Variants in CLCN1 observed in about 807,000 individuals in gnomAD.
The protein encoded by CLCN1 is chloride channel protein 1.
In CLCN1, 100 loss-of-function variants were observed where a neutral mutation model predicts 114.5. The observed-to-expected ratio is 0.87, with a 90% CI of 0.74 to 1.03. The LOEUF (loss-of-function observed/expected upper bound fraction) is 1.03. CLCN1 is among the 50% of genes least tolerant of loss of function. CLCN1 has a pLI of 0.00. For missense variants in CLCN1, 1,188 were observed against 1,250.0 expected (o/e 0.95, Z 0.75); for synonymous variants, 485 against 487.1 (o/e 1.00, Z 0.06).
At position 143,346,257 on chromosome 7, in the gene CLCN1, G is replaced by A. The variant is rs751572848; in HGVS notation, c.2284+6G>A. On this transcript the variant is annotated splice_donor_region_variant and intron_variant, in intron 18 of 22. Transcript: ENST00000343257. Reference sequence around the variant, plus strand: ...GGAAGCACCAGAGCCTGCAGGTGACGCTCTTCCCTCATGCACCCCAACTCA... The same window carrying A: ...GGAAGCACCAGAGCCTGCAGGTGACACTCTTCCCTCATGCACCCCAACTCA... The A allele has an allele frequency of 6.3e-6, 10 of 1,588,438 alleles. No individual in the cohort carries two copies. Among genetic ancestry groups the A allele is most frequent in the South Asian group, 1.1e-5 (1 of 90,546 alleles).
At position 143,350,241 on chromosome 7, in the gene CLCN1, G is replaced by C; in HGVS notation, c.2404-131G>C. 1 of 733,838 alleles carries C rather than the reference G, an allele frequency of 1.4e-6. No homozygotes were observed. The highest frequency in any genetic ancestry group is 1.5e-5 in the South Asian group (1 of 66,872). The allele number at this position is 733,838 out of a possible 1,614,324, so 45.5% of individuals were successfully genotyped here. ...AAGGAGGAGGTCCTCTGATCTGGGG[G>C]ATCTATGATCAGTTCTTGCATGTTC... On this transcript the variant is annotated intron_variant, in intron 20 of 22. Transcript: ENST00000343257. This position sits in a 1 kb window ranked among gnomAD's most constrained non-coding sequence, Gnocchi z 5.1.
rs774843953 is a variant in CLCN1 at position 143,332,755 on chromosome 7, T to C, written c.1283T>C (p.Phe428Ser). The change falls in exon 12 of 23, where the codon TTT (phenylalanine) becomes TCT (serine). Residue 428 changes from phenylalanine to serine, a missense_variant. By Grantham distance (155) the Phe-to-Ser change is radical. Coordinates refer to ENST00000343257, the MANE Select transcript of CLCN1 (RefSeq NM_000083.3). ...CCCCGCGAAGCCATCAGTACTTTGT[T>C]TGACAACAATACATGGGTGAAACAC... is the stretch of plus-strand genomic sequence containing the variant. ...LMPREAISTL[F>S]DNNTWVKHAG... is the part of the protein sequence containing the mutation. 1 of 1,614,238 alleles carries C rather than the reference T, an allele frequency of 6.2e-7. No homozygotes were observed. Among genetic ancestry groups the C allele is most frequent in the Non-Finnish European group, 8.5e-7 (1 of 1,180,050 alleles).
rs375341574 is a variant in CLCN1 at position 143,350,565 on chromosome 7, C to T, written c.2509-3C>T. The T allele has an allele frequency of 3.7e-4, 594 of 1,613,964 alleles. No homozygotes were observed. The African/African-American group carries it at 7.3e-3, about 20-fold the overall frequency. On this transcript the variant is annotated splice_polypyrimidine_tract_variant and splice_region_variant and intron_variant, in intron 21 of 22. Transcript: ENST00000343257. This position sits in a 1 kb window ranked among gnomAD's most constrained non-coding sequence, Gnocchi z 5.1. ...TGCACTGACCTGTGCTCTTCATCCT[C>T]AGACTCATACCCTGTTTTCACTCCT...
intron 12 of CLCN1, among the ~76,000 whole-genome samples, chr7:143,338,886 G>T (rs919098267): frequency 6.6e-6 from 1 of 151,900 alleles, no homozygotes; most frequent in African/African-American, 2.4e-5. Context: ...AGGCTACTTT[G>T]CTGAGGCAAA....
intron 16 of CLCN1, among the ~76,000 whole-genome samples, chr7:143,343,098 T>G (rs1803132226): frequency 6.6e-6 from 1 of 152,228 alleles, no homozygotes; most frequent in Non-Finnish European, 1.5e-5. Flanking sequence ...CCAATCAATA[T>G]ATGACCTTGT....
chr7:143,329,594 T>A (rs1241893712), intron 7 of CLCN1, among the ~76,000 whole-genome samples: 1 of 152,138 alleles, frequency 6.6e-6, no homozygotes, highest in Non-Finnish European at 1.5e-5. Flanking sequence ...GATGTGGCCT[T>A]TGAATATAGC....
intron 12 of CLCN1, among the ~76,000 whole-genome samples, chr7:143,336,482 C>T (rs867878771): frequency 1.6e-4 from 25 of 151,754 alleles, no homozygotes; most frequent in East Asian, 3.9e-4. Flanking sequence ...TGGTGGCAGG[C>T]GCCTGTAATC....
In CLCN1 at chr7:143,320,553, T is replaced by TTC. The variant is rs59572880; in HGVS notation, c.302-79_302-78dup. On this transcript the variant is annotated intron_variant, in intron 2 of 22. Transcript: ENST00000343257. ...TAAAGTAGTGACTCGTTAGCTGCTT[T>TTC]TCTCTCTCTCTCTCTCTCTCTCTCT... 0.039 allele frequency: 26,385 copies of TTC among 672,420 alleles called. 459 individuals are homozygous for TTC. The highest frequency in any genetic ancestry group is 0.12 in the African/African-American group (5,968 of 51,178). 41.7% of individuals were successfully genotyped at this position (672,420 alleles called of 1,614,324 possible).
In CLCN1 at chr7:143,332,485, T is replaced by C. The variant is rs1325508283; in HGVS notation, c.1233T>C (p.Gly411=). The change falls in exon 11 of 23, where the codon GGT becomes GGC. Residue 411 remains glycine, a synonymous_variant. Coordinates refer to ENST00000343257, the MANE Select transcript of CLCN1 (RefSeq NM_000083.3). ...IASFTFPPGM[G]QFMAGELMPR... is the part of the protein sequence containing the mutation. Reference sequence around the variant, plus strand: ...CATTCACCTTCCCACCAGGAATGGGTCAATTCATGGCTGGAGAGGTCAGCT... The same window carrying C: ...CATTCACCTTCCCACCAGGAATGGGCCAATTCATGGCTGGAGAGGTCAGCT... The C allele has an allele frequency of 2.5e-6, 4 of 1,613,800 alleles. No homozygotes were observed. Among genetic ancestry groups the C allele is most frequent in the Non-Finnish European group, 3.4e-6 (4 of 1,179,710 alleles).
intron 12 of CLCN1, among the ~76,000 whole-genome samples, chr7:143,338,053 C>T (rs1438755234): frequency 6.6e-6 from 1 of 151,834 alleles, no homozygotes; most frequent in Non-Finnish European, 1.5e-5. Context: ...ACCATGTTAG[C>T]CAGAATGGTC....
In CLCN1 at chr7:143,320,781, C is replaced by A. The variant is rs1435631505; in HGVS notation, c.419C>A (p.Ala140Asp). Residue 140 changes from alanine (A) to aspartate (D), a missense_variant, in exon 3 of 23, where the codon GCC (alanine) becomes GAC (aspartate). Ala to Asp is a moderately radical substitution (Grantham distance 126). Transcript: ENST00000343257. ...LVSWSMDYVS[A>D]KSLQAYKWSY... ...AGCTGGAGCATGGACTACGTCAGTG[C>A]CAAAAGCCTTCAGGGTAGGTTTAAC... The A allele has an allele frequency of 6.2e-7, 1 of 1,613,946 alleles. No homozygotes were observed. Among genetic ancestry groups the A allele is most frequent in the Non-Finnish European group, 8.5e-7 (1 of 1,179,940 alleles).
chr7:143,324,487 T>C lies in CLCN1; in HGVS notation c.848T>C (p.Leu283Pro). Residue 283 changes from leucine (L) to proline (P), a missense_variant, in exon 7 of 23, where the codon CTT (leucine) becomes CCT (proline). Leu to Pro is a moderately conservative substitution (Grantham distance 98). Transcript: ENST00000343257. This position sits in a 1 kb window ranked among gnomAD's most constrained non-coding sequence, Gnocchi z 4.6. The stretch of plus-strand genomic sequence containing the variant: ...GTCGGCTGTTGTTTTGGGACACCAC[T>C]TGGAGGCAAGTGATTGACCCCCTCC... ...VGVGCCFGTP[L>P]GGVLFSIEVT... 1 of 1,613,264 alleles carries C rather than the reference T, an allele frequency of 6.2e-7. No homozygotes were observed. Among genetic ancestry groups the C allele is most frequent in the Non-Finnish European group, 8.5e-7 (1 of 1,179,370 alleles).
In CLCN1 at chr7:143,332,502, A is replaced by G. The variant is rs1288398919; in HGVS notation, c.1250A>G (p.Glu417Gly). 6 of 1,612,656 alleles carry G rather than the reference A, an allele frequency of 3.7e-6. No homozygotes were observed. Among genetic ancestry groups the G allele is most frequent in the Non-Finnish European group, 5.1e-6 (6 of 1,178,760 alleles). ...PPGMGQFMAG[E>G]LMPREAISTL... The stretch of plus-strand genomic sequence containing the variant: ...GGAATGGGTCAATTCATGGCTGGAG[A>G]GGTCAGCTGTTGGTGGGGCCACATG... The change falls in exon 11 of 23, where the codon GAG becomes GGG. Residue 417 changes from glutamate (E) to glycine (G), a missense_variant and splice_region_variant. Glu to Gly is a moderately conservative substitution (Grantham distance 98, BLOSUM62 -2). Transcript: ENST00000343257.
At position 143,339,401 on chromosome 7, in the gene CLCN1, TG is replaced by T; in HGVS notation, c.1471+80del. The T allele has an allele frequency of 7.2e-7, 1 of 1,380,056 alleles. No individual in the cohort carries two copies. Among genetic ancestry groups the T allele is most frequent in the Non-Finnish European group, 1.0e-6 (1 of 966,676 alleles). The allele number at this position is 1,380,056 out of a possible 1,614,324, so 85.5% of individuals were successfully genotyped here. A position where few individuals can be genotyped will look rare whatever the true frequency, so the allele number is the denominator to read the frequency against. ...AGGAAACATAAGGAAAGGCCCGGGATGCTGGGAGTTTATATTTGTTCTTAAT... is the reference window on the plus strand; with the variant it reads ...AGGAAACATAAGGAAAGGCCCGGGATCTGGGAGTTTATATTTGTTCTTAAT... On this transcript the variant is annotated intron_variant, in intron 13 of 22. Coordinates refer to ENST00000343257, the MANE Select transcript of CLCN1 (RefSeq NM_000083.3). The surrounding 1 kb of genome is among the most constrained non-coding windows in gnomAD (Gnocchi z 4.1).
intron 3 of CLCN1, 105 bp downstream of exon 3, chr7:143,320,900 A>G (rs1563073909): frequency 7.3e-7 from 1 of 1,374,024 alleles, no homozygotes; most frequent in Non-Finnish European, 1.0e-6. Flanking sequence ...GTGTTATGGG[A>G]AGCGAATATT....
At chr7:143,325,145 T>C (rs898865896) in intron 7 of CLCN1, among the ~76,000 whole-genome samples, 1 of 152,256 alleles carries the variant, frequency 6.6e-6, no homozygotes, top group African/African-American at 2.4e-5. Flanking sequence ...AGCAGTCGTA[T>C]CTGTTTATTG....
intron 7 of CLCN1, among the ~76,000 whole-genome samples, 194 bp from the exon 8 acceptor site, chr7:143,330,578 A>T (rs1267422799): frequency 1.3e-5 from 2 of 152,136 alleles, no homozygotes; most frequent in African/African-American, 4.8e-5. Flanking sequence ...CCTTGTCTGA[A>T]ATAAAAATAA....
intron 10 of CLCN1, among the ~76,000 whole-genome samples, chr7:143,332,164 A>G (rs529127316): frequency 2.2e-4 from 34 of 152,202 alleles, no homozygotes; most frequent in African/African-American, 7.7e-4. Flanking sequence ...GGGTTTCACC[A>G]TGTTGGCCAG....
At chr7:143,344,753 T>G (rs1161526172) in intron 16 of CLCN1, among the ~76,000 whole-genome samples, 216 of 146,294 alleles carry the variant, frequency 1.5e-3, no homozygotes, top group African/African-American at 5.2e-3. Context: ...CTAGCAGGGT[T>G]TTTTTTTTTT....
Sources: gnomAD v4.1 joint callset for allele counts (sites outside exome capture counted in the v4.1 genomes callset) on GRCh38, gnomAD v4.1.1 for gene constraint, Gnocchi (gnomAD v3.1) non-coding constraint, MANE v1.5 for transcripts, NCBI Gene and HGNC (gene_info 2026-07-23, HGNC 2026-07-21) for gene names.